Variants in RRBP1 observed in about 807,000 individuals in gnomAD.
RRBP1 encodes the protein ribosome-binding protein 1.
RRBP1 carries 94 observed loss-of-function variants against 165.2 expected under a neutral mutation model. The observed-to-expected ratio is 0.57, with a 90% confidence interval of 0.48 to 0.68. The LOEUF is 0.68. Ranked by LOEUF, RRBP1 falls within the 30% of genes least tolerant of loss-of-function variation. The probability of loss-of-function intolerance (pLI) is 0.00; values close to 1 mark genes in which losing one functional copy is unlikely to be tolerated. For missense variants in RRBP1, 1,676 were observed against 1,763.0 expected (o/e 0.95, Z 0.88); for synonymous variants, 680 against 714.5 (o/e 0.95, Z 0.77).
chr20:17,620,710 T>C lies in RRBP1; in HGVS notation c.3507+5A>G, dbSNP rs2035897596. Reference sequence around the variant, plus strand: ...GCGCCGGGAGGCAGGCAGGGCTGCATATACCTTCTGGAGCTCCTCCTCTGC... The same window carrying C: ...GCGCCGGGAGGCAGGCAGGGCTGCACATACCTTCTGGAGCTCCTCCTCTGC... On this transcript the variant is annotated splice_donor_5th_base_variant and intron_variant, in intron 17 of 24. Transcript: ENST00000377813. 6.2e-7 allele frequency: 1 copy of C among 1,601,280 alleles called. No individual in the cohort carries two copies.
At position 17,643,866 on chromosome 20, in the gene RRBP1, G is replaced by A. The variant is rs890165421; in HGVS notation, c.1913-739C>T. Among the ~76,000 whole-genome samples the A allele has an allele frequency of 5.9e-5, 9 of 152,014 alleles. No homozygotes were observed. Among genetic ancestry groups the A allele is most frequent in the African/African-American group, 1.5e-4 (6 of 41,378 alleles). Reference sequence around the variant, plus strand: ...AACTAAAACTGCCGACACCCCCCACGCCCCTCCCCACACACATGGTTTTGT... The same window carrying A: ...AACTAAAACTGCCGACACCCCCCACACCCCTCCCCACACACATGGTTTTGT... On this transcript the variant is annotated intron_variant, in intron 3 of 24. Coordinates refer to ENST00000377813, the MANE Select transcript of RRBP1 (RefSeq NM_001365613.2). This position sits in a 1 kb window ranked among gnomAD's most constrained non-coding sequence, Gnocchi z 4.3.
chr20:17,618,276 C>T (rs183325484), intron 20 of RRBP1, among the ~76,000 whole-genome samples: 71 of 152,298 alleles, frequency 4.7e-4, no homozygotes, highest in Middle Eastern at 3.4e-3. Context: ...ATATCCCTGA[C>T]GCCCCCAGGT....
intron 2 of RRBP1, among the ~76,000 whole-genome samples, chr20:17,662,622 T>G (rs1600773978): frequency 6.6e-6 from 1 of 152,178 alleles, no homozygotes; most frequent in Non-Finnish European, 1.5e-5. Context: ...CAGGGCACTC[T>G]CACGTTTGAT....
chr20:17,658,205 ACACAT>A (rs1278798618), intron 3 of RRBP1, among the ~76,000 whole-genome samples: 2 of 152,184 alleles, frequency 1.3e-5, no homozygotes, highest in African/African-American at 4.8e-5. Context: ...TCAGGCTCAG[ACACAT>A]CACTTGATCT....
At position 17,648,780 on chromosome 20, in the gene RRBP1, A is replaced by G. The variant is rs183631782; in HGVS notation, c.1913-5653T>C. ...AATTTTATACCTGGAGTTAAAAAAA[A>G]CCCACATCACAATATTTTTAAAAGA... On this transcript the variant is annotated intron_variant, in intron 3 of 24. Coordinates refer to ENST00000377813, the MANE Select transcript of RRBP1 (RefSeq NM_001365613.2). 1.9e-3 allele frequency among the ~76,000 whole-genome samples: 284 copies of G among 152,328 alleles called. 3 individuals are homozygous for G. Among genetic ancestry groups the G allele is most frequent in the African/African-American group, 6.3e-3 (264 of 41,576 alleles).
At chr20:17,650,882 G>A (rs16999536) in intron 3 of RRBP1, among the ~76,000 whole-genome samples, 6,659 of 152,170 alleles carry the variant, frequency 0.044, 478 homozygotes, top group African/African-American at 0.15. Context: ...TCAATCTGAG[G>A]ATAAAAATAG....
At chr20:17,680,704 G>T (rs1267667245) in intron 1 of RRBP1, among the ~76,000 whole-genome samples, 1 of 152,052 alleles carries the variant, frequency 6.6e-6, no homozygotes, top group Non-Finnish European at 1.5e-5. Flanking sequence ...CCAGTACGTG[G>T]TCCGGGGTGT....
intron 22 of RRBP1, 68 bp from the exon 23 acceptor site, chr20:17,615,597 CG>C: frequency 7.4e-7 from 1 of 1,343,130 alleles, no homozygotes; most frequent in Non-Finnish European, 1.0e-6. Context: ...AAGACCCTAC[CG>C]AGCACGCCTG....
Position 17,635,575 on chromosome 20 carries a change from C to T in RRBP1, c.2427G>A (p.Leu809=), listed in dbSNP as rs1361564710. 4 of 1,612,794 alleles carry T rather than the reference C, an allele frequency of 2.5e-6. No individual in the cohort carries two copies. In the South Asian group the frequency reaches 4.4e-5, roughly 18 times the overall value. Reference sequence around the variant, plus strand: ...TCTCCACCTGGCTCGTGGCCTGGTTCAAGGCATCCCGCAGGATGGAGTTCT... The same window carrying T: ...TCTCCACCTGGCTCGTGGCCTGGTTTAAGGCATCCCGCAGGATGGAGTTCT... ...QQENSILRDA[L]NQATSQVESK... Residue 809 remains leucine (L), a synonymous_variant, in exon 7 of 25, where the codon TTG becomes TTA. Coordinates refer to ENST00000377813, the MANE Select transcript of RRBP1 (RefSeq NM_001365613.2).
chr20:17,652,133 T>C (rs1863618604), intron 3 of RRBP1, among the ~76,000 whole-genome samples: 2 of 152,170 alleles, frequency 1.3e-5, no homozygotes, highest in African/African-American at 4.8e-5. Flanking sequence ...CCAACACAGG[T>C]CTGCACAGAC....
intron 4 of RRBP1, 144 bp from the exon 5 acceptor site, chr20:17,642,063 T>C (rs1425558440): frequency 2.1e-6 from 2 of 955,944 alleles, no homozygotes; most frequent in East Asian, 2.5e-5. Context: ...CTCCAGATAC[T>C]TGTGGGGAAA....
At chr20:17,676,338 C>T (rs1024099565) in intron 2 of RRBP1, among the ~76,000 whole-genome samples, 4 of 152,254 alleles carry the variant, frequency 2.6e-5, no homozygotes, top group Non-Finnish European at 4.4e-5. Context: ...AGGTATGAGA[C>T]GGCGAGGAGT....
chr20:17,646,920 A>G (rs1343423028), intron 3 of RRBP1, among the ~76,000 whole-genome samples: 1 of 152,176 alleles, frequency 6.6e-6, no homozygotes, highest in Non-Finnish European at 1.5e-5. Context: ...CCCCCACATC[A>G]GCTGCTGGAG....
intron 5 of RRBP1, among the ~76,000 whole-genome samples, chr20:17,638,867 C>T (rs1183098762): frequency 1.3e-5 from 2 of 152,070 alleles, no homozygotes; most frequent in African/African-American, 4.8e-5. Flanking sequence ...CTGTAGAGAG[C>T]CCTCCAACCT....
intron 3 of RRBP1, among the ~76,000 whole-genome samples, chr20:17,654,504 C>T (rs1391950745): frequency 6.6e-6 from 1 of 152,174 alleles, no homozygotes; most frequent in Non-Finnish European, 1.5e-5. Context: ...TTTCAAATAC[C>T]TTGAATTTCG....
At chr20:17,636,534 G>C in intron 6 of RRBP1, 43 bp downstream of exon 6, 1 of 1,596,582 alleles carries the variant, frequency 6.3e-7, no homozygotes, top group South Asian at 1.1e-5. Flanking sequence ...GACCTGGACT[G>C]GGTCCTGTCC....
chr20:17,672,388 A>G (rs1414779921), intron 2 of RRBP1, among the ~76,000 whole-genome samples: 1 of 152,200 alleles, frequency 6.6e-6, no homozygotes, highest in Non-Finnish European at 1.5e-5. Flanking sequence ...CCTTTTCCCA[A>G]GGCCCACCTT....
intron 2 of RRBP1, among the ~76,000 whole-genome samples, chr20:17,670,118 T>C (rs1464586649): frequency 6.6e-6 from 1 of 152,234 alleles, no homozygotes; most frequent in African/African-American, 2.4e-5. Flanking sequence ...CTAGTTTACA[T>C]AAATAGATGT....
chr20:17,625,655 A>G, intron 11 of RRBP1, 53 bp from the exon 12 acceptor site: 2 of 1,423,218 alleles, frequency 1.4e-6, no homozygotes, highest in Non-Finnish European at 2.0e-6. Context: ...TACAGCCCCT[A>G]CAGATCCCAC....
Sources: allele counts gnomAD v4.1 joint callset (sites outside exome capture counted in the v4.1 genomes callset), GRCh38; gene constraint gnomAD v4.1.1; non-coding constraint Gnocchi (gnomAD v3.1); transcripts MANE v1.5; gene names NCBI Gene and HGNC (gene_info 2026-07-23, HGNC 2026-07-21).